ADAM32: variants seen among roughly 807,000 people sequenced by gnomAD.
The protein encoded by ADAM32 is disintegrin and metalloproteinase domain-containing protein 32.
ADAM32 carries 89 observed loss-of-function variants against 114.9 expected under a neutral mutation model. The ratio of observed to expected loss-of-function variants is 0.77; its 90% CI spans 0.65 to 0.92. ADAM32 has a LOEUF of 0.92. Ranked by LOEUF, ADAM32 falls within the 40% of genes least tolerant of loss-of-function variation. The pLI is 0.00. For synonymous variants in ADAM32, 285 were observed against 307.5 expected (o/e 0.93, Z 0.77); for missense variants, 870 against 932.8 (o/e 0.93, Z 0.88).
At chr8:39,268,201 G>T (rs2129451186) in intron 19 of ADAM32, among the ~76,000 whole-genome samples, 1 of 152,258 alleles carries the variant, frequency 6.6e-6, no homozygotes, top group East Asian at 1.9e-4. Flanking sequence ...TTGTCATCTT[G>T]TATTCCAGCC....
intron 1 of ADAM32, among the ~76,000 whole-genome samples, chr8:39,115,504 AATG>A (rs763253510): frequency 5.3e-5 from 8 of 151,982 alleles, no homozygotes; most frequent in South Asian, 2.1e-4. Context: ...TCATTTTTCT[AATG>A]ATAAGTTTTT....
rs763315046 is a variant in ADAM32 at position 39,161,008 on chromosome 8, A to C, written c.594+43A>C. 5 of 1,481,100 alleles carry C rather than the reference A, an allele frequency of 3.4e-6. No homozygotes were observed. The East Asian group carries it at 1.2e-4, about 35-fold the overall frequency. 91.7% of individuals were successfully genotyped at this position (1,481,100 alleles called of 1,614,324 possible). ...TCTTTGCTTTGAAATATTTGATCCA[A>C]ATGTATGATTATGCCTAGCTAGCTA... is the stretch of plus-strand genomic sequence containing the variant. On this transcript the variant is annotated intron_variant, in intron 7 of 24. Transcript: ENST00000379907.
Position 39,107,805 on chromosome 8 carries a change from G to A in ADAM32, c.30G>A (p.Gly10=), listed in dbSNP as rs61753546. 17,022 of 1,549,552 alleles carry A rather than the reference G, an allele frequency of 0.011. 132 individuals are homozygous for A. The highest frequency in any genetic ancestry group is 0.013 in the Non-Finnish European group (14,601 of 1,146,332). ...TCCGCCTCTGGTTGCTGCTGGCCGG[G>A]CTCTGCGGCCTCCTGGCGTCAAGAC... MFRLWLLLA[G]LCGLLASRPG... Residue 10 remains glycine (G), a synonymous_variant, in exon 1 of 25, where the codon GGG becomes GGA. Coordinates refer to ENST00000379907, the MANE Select transcript of ADAM32 (RefSeq NM_145004.7).
intron 16 of ADAM32, among the ~76,000 whole-genome samples, chr8:39,243,254 GA>G (rs1382213430): frequency 6.6e-6 from 1 of 152,080 alleles, no homozygotes; most frequent in Non-Finnish European, 1.5e-5. Flanking sequence ...AAAAGATAGA[GA>G]AAGAGGGAAT....
At chr8:39,219,835 T>A (rs1414266693) in intron 12 of ADAM32, among the ~76,000 whole-genome samples, 1 of 152,212 alleles carries the variant, frequency 6.6e-6, no homozygotes, top group African/African-American at 2.4e-5. Context: ...TTTTAAAAGA[T>A]TTATTTAGAC....
chr8:39,232,804 A>G (rs1268956916), intron 15 of ADAM32, among the ~76,000 whole-genome samples: 2 of 152,202 alleles, frequency 1.3e-5, no homozygotes, highest in Non-Finnish European at 2.9e-5. Flanking sequence ...CTAACCTCAC[A>G]GTTAAGGAAA....
At chr8:39,165,420 G>T in intron 9 of ADAM32, 3 of 369,738 alleles carry the variant, frequency 8.1e-6, no homozygotes, top group Non-Finnish European at 1.4e-5. Flanking sequence ...GACATTGAGA[G>T]TTTCAAGAGG....
At chr8:39,131,174 T>G (rs1274618090) in intron 2 of ADAM32, among the ~76,000 whole-genome samples, 1 of 152,080 alleles carries the variant, frequency 6.6e-6, no homozygotes, top group Non-Finnish European at 1.5e-5. Context: ...GCCAGGATGG[T>G]CTCGATCTCC....
chr8:39,159,145 C>G (rs1333466882), intron 6 of ADAM32, among the ~76,000 whole-genome samples: 1 of 152,072 alleles, frequency 6.6e-6, no homozygotes. Flanking sequence ...CAGATTCTTC[C>G]TCACTCCCCA....
In ADAM32 at chr8:39,151,374, C is replaced by A; in HGVS notation, c.354-3C>A. 1 of 1,573,446 alleles carries A rather than the reference C, an allele frequency of 6.4e-7. No homozygotes were observed. Among genetic ancestry groups the A allele is most frequent in the African/African-American group, 1.4e-5 (1 of 72,452 alleles). On this transcript the variant is annotated splice_polypyrimidine_tract_variant and splice_region_variant and intron_variant, in intron 5 of 24. Coordinates refer to ENST00000379907, the MANE Select transcript of ADAM32 (RefSeq NM_145004.7). ...ACTTAAAATTGTATTCATAATTTCA[C>A]AGAGGAATACTGCAATTTGAAAATG...
chr8:39,163,701 G>A (rs1025738659), intron 7 of ADAM32, among the ~76,000 whole-genome samples: 1 of 152,176 alleles, frequency 6.6e-6, no homozygotes, highest in Admixed American at 6.5e-5. Context: ...AACAATTTCC[G>A]CTCTCATGGA....
chr8:39,187,607 T>C (rs1302448570), intron 11 of ADAM32, among the ~76,000 whole-genome samples: 2 of 152,164 alleles, frequency 1.3e-5, no homozygotes. Context: ...ACATAATAAG[T>C]GGCCTTTGTT....
intron 19 of ADAM32, among the ~76,000 whole-genome samples, chr8:39,263,178 T>G (rs1457401261): frequency 6.6e-6 from 1 of 152,206 alleles, no homozygotes; most frequent in African/African-American, 2.4e-5. Flanking sequence ...ATTACTGAAT[T>G]TTTTTGCTTT....
chr8:39,237,622 C>T (rs1429104907), intron 16 of ADAM32, among the ~76,000 whole-genome samples: 1 of 152,174 alleles, frequency 6.6e-6, no homozygotes, highest in African/African-American at 2.4e-5. Context: ...CCCCACTTCC[C>T]TGGTGACCTG....
chr8:39,232,671 G>A (rs1227005808), intron 15 of ADAM32, among the ~76,000 whole-genome samples: 1 of 152,122 alleles, frequency 6.6e-6, no homozygotes, highest in Non-Finnish European at 1.5e-5. Context: ...ACTTGCTTAT[G>A]CTGTTACTTT....
At chr8:39,242,713 C>G (rs1585626555) in intron 16 of ADAM32, among the ~76,000 whole-genome samples, 2 of 152,120 alleles carry the variant, frequency 1.3e-5, no homozygotes, top group South Asian at 4.2e-4. Context: ...CAAACCATAA[C>G]AGTCATACCT....
chr8:39,113,162 C>T (rs1001561310), intron 1 of ADAM32, among the ~76,000 whole-genome samples: 11 of 152,206 alleles, frequency 7.2e-5, no homozygotes, highest in Middle Eastern at 6.8e-3. Flanking sequence ...TAGACTAGGA[C>T]GATAAGAGGA....
chr8:39,213,333 ATAT>A (rs1808351916), intron 12 of ADAM32, among the ~76,000 whole-genome samples: 1 of 152,034 alleles, frequency 6.6e-6, no homozygotes, highest in Admixed American at 6.6e-5. Flanking sequence ...TGTGCTGGGA[ATAT>A]TATAATTCTT....
At chr8:39,164,080 T>C (rs1804681697) in intron 7 of ADAM32, among the ~76,000 whole-genome samples, 1 of 152,186 alleles carries the variant, frequency 6.6e-6, no homozygotes, top group Non-Finnish European at 1.5e-5. Flanking sequence ...TTGCCACAAT[T>C]GAGACACTCA....
Sources: gnomAD v4.1 joint callset for allele counts (sites outside exome capture counted in the v4.1 genomes callset) on GRCh38, gnomAD v4.1.1 for gene constraint, MANE v1.5 for transcripts, NCBI Gene and HGNC (gene_info 2026-07-23, HGNC 2026-07-21) for gene names.